Variants in COL25A1 observed in about 807,000 individuals in gnomAD.
The protein encoded by COL25A1 is collagen alpha-1(XXV) chain.
Under a neutral mutation model 128.4 loss-of-function variants are expected in COL25A1, and 103 were observed. The observed-to-expected ratio is 0.80, with a 90% CI of 0.68 to 0.94. The LOEUF (loss-of-function observed/expected upper bound fraction) is 0.94. Ranked by LOEUF, COL25A1 falls within the 40% of genes least tolerant of loss-of-function variation. The pLI is 0.00. For synonymous variants in COL25A1, 279 were observed against 277.2 expected (o/e 1.01, Z -0.06); for missense variants, 745 against 840.0 (o/e 0.89, Z 1.40).
chr4:109,208,042 A>G (rs1347501495), intron 3 of COL25A1, among the ~76,000 whole-genome samples: 1 of 152,188 alleles, frequency 6.6e-6, no homozygotes, highest in Non-Finnish European at 1.5e-5. Context: ...GCAGCTTAAC[A>G]GAGCATTATA....
chr4:108,819,784 TG>T, intron 35 of COL25A1: 2 of 1,158,964 alleles, frequency 1.7e-6, no homozygotes, highest in Non-Finnish European at 2.2e-6. Flanking sequence ...CACAAACATC[TG>T]GAGACAGTTC....
At chr4:108,965,020 A>G (rs530188390) in intron 8 of COL25A1, among the ~76,000 whole-genome samples, 10 of 152,384 alleles carry the variant, frequency 6.6e-5, no homozygotes, top group Admixed American at 6.5e-4. Flanking sequence ...AAATAAGGAC[A>G]TCAAATTAAT....
At chr4:108,970,286 A>G (rs1481262708) in intron 8 of COL25A1, among the ~76,000 whole-genome samples, 5 of 152,160 alleles carry the variant, frequency 3.3e-5, no homozygotes, top group South Asian at 2.1e-4. Flanking sequence ...AAAATTCTCA[A>G]TGGCTCTCTA....
chr4:109,240,796 G>A (rs537612568), intron 3 of COL25A1, among the ~76,000 whole-genome samples: 1 of 152,050 alleles, frequency 6.6e-6, no homozygotes, highest in Non-Finnish European at 1.5e-5. Flanking sequence ...GTCACTGAAA[G>A]AATTGAATGA....
intron 6 of COL25A1, among the ~76,000 whole-genome samples, chr4:108,981,334 T>G (rs1752951519): frequency 6.6e-6 from 1 of 152,228 alleles, no homozygotes; most frequent in South Asian, 2.1e-4. Flanking sequence ...CACACATTTT[T>G]TAGAGACATT....
At chr4:109,084,834 A>G (rs763923350) in intron 3 of COL25A1, among the ~76,000 whole-genome samples, 1 of 152,176 alleles carries the variant, frequency 6.6e-6, no homozygotes, top group Non-Finnish European at 1.5e-5. Flanking sequence ...TGTTTTCTGC[A>G]ATATACTGTC....
At chr4:108,852,543 C>A (rs1338910233) in intron 25 of COL25A1, among the ~76,000 whole-genome samples, 1 of 152,008 alleles carries the variant, frequency 6.6e-6, no homozygotes, top group African/African-American at 2.4e-5. Flanking sequence ...AAAATTGCTG[C>A]CATGCTCCAC....
chr4:108,971,952 T>C (rs1402172061), intron 8 of COL25A1, among the ~76,000 whole-genome samples: 1 of 152,212 alleles, frequency 6.6e-6, no homozygotes, highest in East Asian at 1.9e-4. Flanking sequence ...CTGCTGAATA[T>C]ATGTCCAAGT....
chr4:108,993,259 A>G (rs968406261), intron 6 of COL25A1, among the ~76,000 whole-genome samples: 2 of 152,180 alleles, frequency 1.3e-5, no homozygotes. Flanking sequence ...TTTTGATTCC[A>G]CATACGCATG....
chr4:109,259,388 A>G lies in COL25A1; in HGVS notation c.367+41195T>C, dbSNP rs376218824. On this transcript the variant is annotated intron_variant, in intron 3 of 37. Transcript: ENST00000399132. Reference sequence around the variant, plus strand: ...CTGCAAACTGTCACCTGTTTTTTCCAAATATATTGTTGGTACTTCTTAATC... The same window carrying G: ...CTGCAAACTGTCACCTGTTTTTTCCGAATATATTGTTGGTACTTCTTAATC... Among the ~76,000 whole-genome samples the G allele has an allele frequency of 6.6e-5, 10 of 152,216 alleles. No individual in the cohort carries two copies. In the East Asian group the frequency reaches 1.9e-3, roughly 29 times the overall value.
chr4:108,821,742 C>T (rs764613652), intron 35 of COL25A1, among the ~76,000 whole-genome samples: 14 of 152,166 alleles, frequency 9.2e-5, no homozygotes, highest in Non-Finnish European at 1.2e-4. Context: ...TATTAGTCAG[C>T]ATTGTTTTGT....
At chr4:109,240,219 G>A (rs181621617) in intron 3 of COL25A1, among the ~76,000 whole-genome samples, 41 of 152,018 alleles carry the variant, frequency 2.7e-4, no homozygotes, top group African/African-American at 8.2e-4. Context: ...CAAGTATTAC[G>A]TACTGTGCAT....
intron 3 of COL25A1, among the ~76,000 whole-genome samples, chr4:109,235,804 A>C (rs1779437585): frequency 6.6e-6 from 1 of 152,048 alleles, no homozygotes; most frequent in Non-Finnish European, 1.5e-5. Flanking sequence ...TGTGACACAG[A>C]TTTTGCAGTT....
At chr4:109,039,878 T>C (rs1222567935) in intron 5 of COL25A1, among the ~76,000 whole-genome samples, 1 of 152,198 alleles carries the variant, frequency 6.6e-6, no homozygotes, top group African/African-American at 2.4e-5. Context: ...TTTTCTTTCC[T>C]TGACCATACA....
At chr4:108,958,520 C>T (rs1229301031) in intron 8 of COL25A1, among the ~76,000 whole-genome samples, 1 of 151,778 alleles carries the variant, frequency 6.6e-6, no homozygotes. Flanking sequence ...AGGTAATAAA[C>T]CAACATTTTT....
intron 5 of COL25A1, among the ~76,000 whole-genome samples, chr4:109,015,079 A>G (rs1180760576): frequency 2.6e-5 from 4 of 152,236 alleles, no homozygotes; most frequent in Non-Finnish European, 5.9e-5. Flanking sequence ...TGGTAATGGT[A>G]TCTGCTCTGA....
intron 3 of COL25A1, among the ~76,000 whole-genome samples, chr4:109,160,966 A>G (rs1772514186): frequency 6.6e-6 from 1 of 152,102 alleles, no homozygotes; most frequent in Non-Finnish European, 1.5e-5. Context: ...TATAATCCAT[A>G]TATGAAATAT....
chr4:108,912,048 T>A (rs924457200), intron 13 of COL25A1, among the ~76,000 whole-genome samples: 1 of 152,160 alleles, frequency 6.6e-6, no homozygotes, highest in Non-Finnish European at 1.5e-5. Flanking sequence ...TTCAACTAAC[T>A]TTTTGTTTCC....
intron 31 of COL25A1, among the ~76,000 whole-genome samples, chr4:108,840,242 CAAAA>C (rs34039825): frequency 1.0e-5 from 1 of 95,372 alleles, no homozygotes; most frequent in Admixed American, 1.2e-4. Context: ...AACGCCATCT[CAAAA>C]AAAAAAAAAA....
Sources: gnomAD v4.1 joint callset for allele counts (sites outside exome capture counted in the v4.1 genomes callset) on GRCh38, gnomAD v4.1.1 for gene constraint, MANE v1.5 for transcripts, NCBI Gene and HGNC (gene_info 2026-07-23, HGNC 2026-07-21) for gene names.